The following CLEC16A variants were observed in gnomAD, a reference collection of about 807,000 sequenced individuals.
The protein encoded by CLEC16A is C-type lectin domain containing 16A.
In CLEC16A, 51 loss-of-function variants were observed where a neutral mutation model predicts 109.5. That is an observed-to-expected ratio of 0.47 (90% CI 0.37 to 0.59). The LOEUF (loss-of-function observed/expected upper bound fraction) is 0.59, where lower values mean the gene tolerates loss of function less well. Among genes scored for constraint, CLEC16A ranks in the 20% least tolerant of loss-of-function variants. The probability of loss-of-function intolerance (pLI) is 0.00; values close to 1 mark genes in which losing one functional copy is unlikely to be tolerated. For synonymous variants in CLEC16A, 673 were observed against 564.2 expected, an observed-to-expected ratio of 1.19 and a Z score of -2.73; for missense variants, 1,339 against 1,394.0, an observed-to-expected ratio of 0.96 and a Z score of 0.63.
intron 19 of CLEC16A, among the ~76,000 whole-genome samples, chr16:11,117,439 T>C (rs186807837): frequency 2.8e-4 from 42 of 152,340 alleles, no homozygotes; most frequent in Admixed American, 2.4e-3. Flanking sequence ...ATAGTTTTTT[T>C]TAAAACATAC....
chr16:11,162,165 T>G (rs1021122327), intron 22 of CLEC16A, among the ~76,000 whole-genome samples: 1 of 152,248 alleles, frequency 6.6e-6, no homozygotes, highest in African/African-American at 2.4e-5. Context: ...CCAAAATAAC[T>G]GGCAGAACAC....
chr16:10,970,335 C>T (rs1303356494), intron 4 of CLEC16A, among the ~76,000 whole-genome samples: 1 of 152,208 alleles, frequency 6.6e-6, no homozygotes, highest in African/African-American at 2.4e-5. Context: ...TTCTCACCAG[C>T]CTTCCCCTCA....
intron 13 of CLEC16A, among the ~76,000 whole-genome samples, chr16:11,035,874 T>A (rs940653201): frequency 6.6e-6 from 1 of 152,164 alleles, no homozygotes; most frequent in African/African-American, 2.4e-5. Flanking sequence ...CACTGGATAG[T>A]TGGAGTCAAA....
chr16:10,952,828 C>T (rs886951731), intron 1 of CLEC16A, among the ~76,000 whole-genome samples: 5 of 152,120 alleles, frequency 3.3e-5, no homozygotes, highest in Admixed American at 3.3e-4. Context: ...ATATCATTTA[C>T]AATAGCATAA....
At chr16:11,161,930 G>A (rs1011779637) in intron 22 of CLEC16A, among the ~76,000 whole-genome samples, 1 of 152,180 alleles carries the variant, frequency 6.6e-6, no homozygotes, top group East Asian at 1.9e-4. Context: ...GAATCACATG[G>A]TTAAGTGATT....
chr16:11,065,357 T>C (rs2152915102), intron 19 of CLEC16A, among the ~76,000 whole-genome samples: 1 of 152,356 alleles, frequency 6.6e-6, no homozygotes, highest in Non-Finnish European at 1.5e-5. Context: ...GCACCTAACA[T>C]TCACATAGTT....
intron 1 of CLEC16A, among the ~76,000 whole-genome samples, chr16:10,948,018 A>T (rs1045715202): frequency 1.2e-4 from 18 of 151,762 alleles, no homozygotes; most frequent in Non-Finnish European, 2.2e-4. Flanking sequence ...CTCAGCCTCC[A>T]GAGTAGCTGG....
rs185980291 is a variant in CLEC16A, at chr16:11,164,208, G to A, written c.2642-2180G>A. Among the ~76,000 whole-genome samples, 94 of 152,340 alleles carry A rather than the reference G, an allele frequency of 6.2e-4. 1 individual carries two copies. Among genetic ancestry groups the A allele is most frequent in the Non-Finnish European group, 1.3e-4 (9 of 68,036 alleles). Reference sequence around the variant, plus strand: ...CGGGCAGGAAATACCCTCCACGCAAGAGGAGCTGGTGCTCAGGATGACCGC... The same window carrying A: ...CGGGCAGGAAATACCCTCCACGCAAAAGGAGCTGGTGCTCAGGATGACCGC... On this transcript the variant is annotated intron_variant, in intron 22 of 23. Transcript: ENST00000409790.
At chr16:10,981,815 G>T (rs949364120) in intron 9 of CLEC16A, among the ~76,000 whole-genome samples, 1 of 152,216 alleles carries the variant, frequency 6.6e-6, no homozygotes, top group African/African-American at 2.4e-5. Context: ...TCTGTCAGGG[G>T]TTCTTAACTA....
At chr16:11,096,189 AT>A (rs1201846441) in intron 19 of CLEC16A, among the ~76,000 whole-genome samples, 1 of 150,154 alleles carries the variant, frequency 6.7e-6, no homozygotes, top group Non-Finnish European at 1.5e-5. Flanking sequence ...AAAAAAAAAA[AT>A]TTTATGTAGC....
chr16:11,156,046 T>A (rs1350490138), intron 22 of CLEC16A, among the ~76,000 whole-genome samples: 1 of 152,078 alleles, frequency 6.6e-6, no homozygotes, highest in East Asian at 1.9e-4. Context: ...GCTGATGGGA[T>A]AAGAGACTTG....
chr16:11,130,811 C>T (rs1359840442), intron 22 of CLEC16A, among the ~76,000 whole-genome samples: 2 of 152,202 alleles, frequency 1.3e-5, no homozygotes, highest in East Asian at 3.9e-4. Context: ...GGGTGGCTGC[C>T]AGACAAGGGT....
chr16:11,171,054 A>C (rs2068490362), intron 23 of CLEC16A, among the ~76,000 whole-genome samples: 1 of 152,174 alleles, frequency 6.6e-6, no homozygotes, highest in South Asian at 2.1e-4. Flanking sequence ...CCTTTTGCCC[A>C]TCTCCCTGGG....
intron 22 of CLEC16A, among the ~76,000 whole-genome samples, chr16:11,166,126 G>A (rs1175914535): frequency 6.6e-6 from 1 of 152,212 alleles, no homozygotes; most frequent in Non-Finnish European, 1.5e-5. Flanking sequence ...TCAGGCACTC[G>A]GATTTACGAC....
intron 18 of CLEC16A, among the ~76,000 whole-genome samples, chr16:11,058,166 G>A (rs574182887): frequency 2.6e-5 from 4 of 152,310 alleles, no homozygotes; most frequent in South Asian, 2.1e-4. Context: ...TGTGGGAATC[G>A]GCCCGCCTCA....
chr16:11,116,961 GA>G (rs1284541287), intron 19 of CLEC16A, among the ~76,000 whole-genome samples: 1 of 152,192 alleles, frequency 6.6e-6, no homozygotes, highest in South Asian at 2.1e-4. Context: ...ACTGAATGAA[GA>G]AAATGTAGTA....
In CLEC16A at chr16:11,120,703, T is replaced by G; in HGVS notation, c.2205T>G (p.Ser735Arg). 6.2e-7 allele frequency: 1 copy of G among 1,609,376 alleles called. No homozygotes were observed. Among genetic ancestry groups the G allele is most frequent in the Non-Finnish European group, 8.5e-7 (1 of 1,177,932 alleles). ...TGGCTGTGGATATTTACCAGATGAG[T>G]TTGGTGGAGCCTGATGTGTCCAGGC... ...RFLAVDIYQM[S>R]LVEPDVSRLG... The change falls in exon 20 of 24, where the codon AGT (serine) becomes AGG (arginine). Residue 735 changes from serine to arginine, a missense_variant. By Grantham distance (110) the Ser-to-Arg change is moderately radical. Coordinates refer to ENST00000409790, the MANE Select transcript of CLEC16A (RefSeq NM_015226.3).
chr16:11,131,359 C>T (rs150977112), intron 22 of CLEC16A, among the ~76,000 whole-genome samples: 1 of 152,252 alleles, frequency 6.6e-6, no homozygotes, highest in African/African-American at 2.4e-5. Flanking sequence ...AGTGGACCAG[C>T]AGACCCCAGA....
chr16:11,053,363 A>G (rs2048047933), intron 18 of CLEC16A, among the ~76,000 whole-genome samples: 1 of 151,836 alleles, frequency 6.6e-6, no homozygotes, highest in African/African-American at 2.4e-5. Context: ...CCCATTTTAC[A>G]GAGGAAGAAT....
Sources: gnomAD v4.1 joint callset for allele counts (sites outside exome capture counted in the v4.1 genomes callset) on GRCh38, gnomAD v4.1.1 for gene constraint, MANE v1.5 for transcripts, NCBI Gene and HGNC (gene_info 2026-07-23, HGNC 2026-07-21) for gene names.